Variants in CREB5 observed in about 807,000 individuals in gnomAD.
The protein encoded by CREB5 is cyclic AMP-responsive element-binding protein 5.
CREB5 carries 19 observed loss-of-function variants against 57.1 expected under a neutral mutation model. That is an observed-to-expected ratio of 0.33 (90% CI 0.23 to 0.49). The LOEUF (loss-of-function observed/expected upper bound fraction) is 0.49, where lower values mean the gene tolerates loss of function less well. Ranked by LOEUF, CREB5 falls within the 20% of genes least tolerant of loss-of-function variation. CREB5 has a pLI of 0.99. For missense variants in CREB5, 579 were observed against 671.6 expected (o/e 0.86, Z 1.52); for synonymous variants, 238 against 238.3 (o/e 1.00, Z 0.01).
intron 5 of CREB5, among the ~76,000 whole-genome samples, chr7:28,594,311 G>A (rs957165717): frequency 6.6e-6 from 1 of 152,182 alleles, no homozygotes; most frequent in African/African-American, 2.4e-5. Context: ...TATTGAGAGG[G>A]AGGAGTGGAT....
At chr7:28,446,197 G>T (rs1253458602) in intron 1 of CREB5, among the ~76,000 whole-genome samples, 1 of 151,894 alleles carries the variant, frequency 6.6e-6, no homozygotes, top group African/African-American at 2.4e-5. Context: ...TTTGTTTTGG[G>T]TCCCCCCAGC....
intron 5 of CREB5, among the ~76,000 whole-genome samples, chr7:28,601,155 C>T (rs1285819819): frequency 6.6e-6 from 1 of 151,362 alleles, no homozygotes; most frequent in South Asian, 2.1e-4. Flanking sequence ...TCCTTCATTT[C>T]CCTTATTATT....
At chr7:28,362,700 G>T (rs976215668) in intron 1 of CREB5, among the ~76,000 whole-genome samples, 1 of 152,184 alleles carries the variant, frequency 6.6e-6, no homozygotes, top group African/African-American at 2.4e-5. Flanking sequence ...CAAATTATGT[G>T]TTTATACATG....
intron 1 of CREB5, among the ~76,000 whole-genome samples, chr7:28,311,738 G>C (rs1785280788): frequency 6.6e-6 from 1 of 152,228 alleles, no homozygotes; most frequent in East Asian, 1.9e-4. Context: ...CCTGGGCAAG[G>C]TACGGCACCT....
chr7:28,516,200 A>G (rs1792944226), intron 4 of CREB5, among the ~76,000 whole-genome samples: 1 of 152,038 alleles, frequency 6.6e-6, no homozygotes, highest in African/African-American at 2.4e-5. Flanking sequence ...TGACAGAGCG[A>G]CACCTTGTAT....
rs376228225 is a variant in CREB5, at chr7:28,809,201, A to G, written c.1041A>G (p.Thr347=). Residue 347 remains threonine (T), a synonymous_variant, in exon 9 of 11, where the codon ACA becomes ACG. Coordinates refer to ENST00000357727, the MANE Select transcript of CREB5 (RefSeq NM_182898.4). Reference sequence around the variant, plus strand: ...TGGCCCAGCAGGTTTCACCAGCAACACAACAGATGCAGCCAACCCAGACAA... The same window carrying G: ...TGGCCCAGCAGGTTTCACCAGCAACGCAACAGATGCAGCCAACCCAGACAA... ...TGNQAQVSPA[T]QQMQPTQTIQ... 49 of 1,612,392 alleles carry G rather than the reference A, an allele frequency of 3.0e-5. No homozygotes were observed. In the Middle Eastern group the frequency reaches 4.9e-4, roughly 16 times the overall value.
chr7:28,463,004 G>T (rs538761782), intron 1 of CREB5, among the ~76,000 whole-genome samples: 78 of 151,562 alleles, frequency 5.1e-4, no homozygotes, highest in African/African-American at 1.6e-3. Context: ...TTTATTTTTT[G>T]CCAAATCCAA....
intron 4 of CREB5, among the ~76,000 whole-genome samples, chr7:28,562,161 A>G (rs912660684): frequency 1.3e-5 from 2 of 152,224 alleles, no homozygotes; most frequent in African/African-American, 2.4e-5. Flanking sequence ...AAGTAGAGCT[A>G]TTTCTCTCCT....
chr7:28,643,761 C>T (rs200702928), intron 5 of CREB5, among the ~76,000 whole-genome samples: 4 of 55,906 alleles, frequency 7.2e-5, no homozygotes, highest in Admixed American at 2.1e-4. Context: ...TGGGGGGGGG[C>T]GGAAGAAAAA....
intron 1 of CREB5, among the ~76,000 whole-genome samples, chr7:28,415,158 C>T (rs569225838): frequency 2.4e-4 from 36 of 152,174 alleles, no homozygotes; most frequent in African/African-American, 7.0e-4. Context: ...ACCAGGCTGG[C>T]GTTTGACTAG....
intron 1 of CREB5, among the ~76,000 whole-genome samples, chr7:28,360,197 T>C (rs908541288): frequency 1.3e-5 from 2 of 152,208 alleles, no homozygotes; most frequent in African/African-American, 4.8e-5. Flanking sequence ...AATTACCACA[T>C]GGTCCACAAT....
At chr7:28,414,738 T>A (rs769600205) in intron 1 of CREB5, among the ~76,000 whole-genome samples, 4 of 152,180 alleles carry the variant, frequency 2.6e-5, no homozygotes, top group African/African-American at 4.8e-5. Flanking sequence ...GAGTATCCAT[T>A]AGTATTCCAT....
intron 7 of CREB5, among the ~76,000 whole-genome samples, chr7:28,784,302 C>G (rs1807177518): frequency 6.6e-6 from 1 of 151,956 alleles, no homozygotes; most frequent in East Asian, 1.9e-4. Context: ...CTGACCCAGC[C>G]CTGATAAATA....
chr7:28,503,353 T>C (rs546211834), intron 3 of CREB5, among the ~76,000 whole-genome samples: 5 of 152,316 alleles, frequency 3.3e-5, no homozygotes, highest in South Asian at 2.1e-4. Context: ...CCCTCACCAA[T>C]AGAACTGCAT....
At chr7:28,410,740 A>T (rs1172870403), upstream of CREB5, 2 of 362,592 alleles carry the variant, frequency 5.5e-6, no homozygotes, top group African/African-American at 4.3e-5. Context: ...TAAAGACTGG[A>T]TACAGGTCCA....
At chr7:28,533,737 A>G (rs1793835377) in intron 4 of CREB5, among the ~76,000 whole-genome samples, 2 of 152,172 alleles carry the variant, frequency 1.3e-5, no homozygotes, top group Non-Finnish European at 2.9e-5. Context: ...GGAGCTTGAA[A>G]TTCTTTTACT....
At chr7:28,646,399 C>T (rs904606733) in intron 5 of CREB5, among the ~76,000 whole-genome samples, 2 of 152,186 alleles carry the variant, frequency 1.3e-5, no homozygotes, top group African/African-American at 2.4e-5. Flanking sequence ...ACATCAGTCA[C>T]ATCTTTCTCT....
chr7:28,341,425 T>G (rs188973702), intron 1 of CREB5, among the ~76,000 whole-genome samples: 1 of 152,318 alleles, frequency 6.6e-6, no homozygotes, highest in Non-Finnish European at 1.5e-5. Flanking sequence ...TATATTTTTG[T>G]CTATGTTAGG....
chr7:28,626,562 G>A (rs922259452), intron 5 of CREB5, among the ~76,000 whole-genome samples: 1 of 152,174 alleles, frequency 6.6e-6, no homozygotes, highest in Non-Finnish European at 1.5e-5. Context: ...TCTGGCACCA[G>A]GATCTGCTCT....
Sources: gnomAD v4.1 joint callset for allele counts (sites outside exome capture counted in the v4.1 genomes callset) on GRCh38, gnomAD v4.1.1 for gene constraint, MANE v1.5 for transcripts, NCBI Gene and HGNC (gene_info 2026-07-23, HGNC 2026-07-21) for gene names.